The following CCBE1 variants were observed in gnomAD, a reference collection of about 807,000 sequenced individuals.
CCBE1 encodes collagen and calcium binding EGF domains 1, also known as collagen and calcium-binding EGF domain-containing protein 1.
CCBE1 carries 37 observed loss-of-function variants against 50.0 expected under a neutral mutation model. The ratio of observed to expected loss-of-function variants is 0.74; its 90% CI spans 0.57 to 0.97. CCBE1 has a LOEUF of 0.97. CCBE1 is among the 50% of genes least tolerant of loss of function. The probability of loss-of-function intolerance (pLI) is 0.00; values close to 1 mark genes in which losing one functional copy is unlikely to be tolerated. For missense variants in CCBE1, 538 were observed against 523.8 expected, an observed-to-expected ratio of 1.03 and a Z score of -0.26; for synonymous variants, 234 against 203.7, an observed-to-expected ratio of 1.15 and a Z score of -1.27.
At chr18:59,590,962 A>ATGATCAAGTTCCAGAT (rs1599041319) in intron 2 of CCBE1, among the ~76,000 whole-genome samples, 1 of 110,062 alleles carries the variant, frequency 9.1e-6, no homozygotes, top group African/African-American at 4.6e-5. Context: ...GCTGCTAAGT[A>ATGATCAAGTTCCAGAT]GGCCGGGCGC....
chr18:59,679,688 C>G (rs2054559615), intron 2 of CCBE1, among the ~76,000 whole-genome samples: 1 of 152,124 alleles, frequency 6.6e-6, no homozygotes, highest in South Asian at 2.1e-4. Context: ...TAAGACAGGT[C>G]TCAGTTAATT....
At chr18:59,679,780 G>A (rs924420300) in intron 2 of CCBE1, among the ~76,000 whole-genome samples, 2 of 152,148 alleles carry the variant, frequency 1.3e-5, no homozygotes, top group African/African-American at 4.8e-5. Context: ...GCCTAAGGTG[G>A]CCAGAGTGCA....
chr18:59,624,872 C>T (rs1047697385), intron 2 of CCBE1, among the ~76,000 whole-genome samples: 49 of 152,196 alleles, frequency 3.2e-4, no homozygotes, highest in Non-Finnish European at 7.3e-5. Context: ...ATTCACTAAC[C>T]TTAAAAACAG....
chr18:59,542,610 CA>C (rs1915513461), intron 2 of CCBE1, among the ~76,000 whole-genome samples: 1 of 152,036 alleles, frequency 6.6e-6, no homozygotes, highest in African/African-American at 2.4e-5. Context: ...TGGAATATAT[CA>C]AAAAAGGCAA....
chr18:59,583,695 G>A (rs112864373), intron 2 of CCBE1, among the ~76,000 whole-genome samples: 17 of 139,016 alleles, frequency 1.2e-4, no homozygotes, highest in East Asian at 2.4e-4. Context: ...GCGCGCGCGC[G>A]CGCGCGTGTG....
intron 2 of CCBE1, among the ~76,000 whole-genome samples, chr18:59,575,126 A>T (rs1285751363): frequency 6.6e-6 from 1 of 152,160 alleles, no homozygotes; most frequent in African/African-American, 2.4e-5. Flanking sequence ...ACAGACCTGG[A>T]ACAGAATCTT....
At chr18:59,693,287 A>G (rs2144754945) in intron 2 of CCBE1, among the ~76,000 whole-genome samples, 1 of 152,250 alleles carries the variant, frequency 6.6e-6, no homozygotes, top group Non-Finnish European at 1.5e-5. Flanking sequence ...CATGTAAATT[A>G]TGTAATGCAA....
intron 5 of CCBE1, among the ~76,000 whole-genome samples, chr18:59,466,441 T>C (rs536208288): frequency 1.3e-5 from 2 of 152,158 alleles, no homozygotes; most frequent in Admixed American, 1.3e-4. Context: ...CTGTGAGTTT[T>C]TTAAACCTCT....
At chr18:59,453,775 T>C (rs1167735008) in intron 6 of CCBE1, among the ~76,000 whole-genome samples, 8 of 152,252 alleles carry the variant, frequency 5.3e-5, no homozygotes, top group Non-Finnish European at 1.2e-4. Flanking sequence ...CAAGAAGATG[T>C]TTTATCAGTT....
At chr18:59,443,809 A>T (rs1910551083) in intron 7 of CCBE1, among the ~76,000 whole-genome samples, 2 of 152,220 alleles carry the variant, frequency 1.3e-5, no homozygotes, top group South Asian at 4.2e-4. Context: ...TAGTAATGCT[A>T]AGTATATTCC....
intron 2 of CCBE1, among the ~76,000 whole-genome samples, chr18:59,678,460 T>C (rs17066133): frequency 0.031 from 4,720 of 152,300 alleles, 143 homozygotes; most frequent in African/African-American, 0.072. Flanking sequence ...AGACTAGATA[T>C]CAGAATATTA....
At chr18:59,480,418 C>T (rs934299888) in intron 2 of CCBE1, among the ~76,000 whole-genome samples, 180 bp from the exon 3 acceptor site, 3 of 152,088 alleles carry the variant, frequency 2.0e-5, no homozygotes, top group African/African-American at 7.2e-5. Flanking sequence ...TAATACATGA[C>T]ATTTTCTAAT....
intron 2 of CCBE1, among the ~76,000 whole-genome samples, chr18:59,551,652 G>C (rs1480480770): frequency 6.6e-6 from 1 of 152,106 alleles, no homozygotes; most frequent in East Asian, 1.9e-4. Context: ...ACTACTGTTG[G>C]TCACCATCTG....
At chr18:59,508,623 A>G (rs771044940) in intron 2 of CCBE1, among the ~76,000 whole-genome samples, 13 of 152,100 alleles carry the variant, frequency 8.5e-5, no homozygotes, top group East Asian at 1.9e-4. Flanking sequence ...TAAAAAAAGA[A>G]AAAGAAACTA....
intron 2 of CCBE1, among the ~76,000 whole-genome samples, chr18:59,562,202 CAT>C (rs10572053): frequency 0.22 from 33,549 of 152,050 alleles, 5,874 homozygotes; most frequent in African/African-American, 0.46. Context: ...GTCTTTCATG[CAT>C]GTGTGTATAT....
At chr18:59,473,083 T>G (rs543692752) in intron 3 of CCBE1, among the ~76,000 whole-genome samples, 88 of 152,342 alleles carry the variant, frequency 5.8e-4, no homozygotes, top group African/African-American at 2.1e-3. Context: ...AGCCAAACCA[T>G]ATATCCATGT....
intron 2 of CCBE1, among the ~76,000 whole-genome samples, chr18:59,571,150 T>C (rs1243984378): frequency 6.6e-6 from 1 of 152,192 alleles, no homozygotes; most frequent in Non-Finnish European, 1.5e-5. Flanking sequence ...TTAGAAGTCA[T>C]CTTGCTAATG....
chr18:59,674,389 T>C (rs1340036264), intron 2 of CCBE1, among the ~76,000 whole-genome samples: 2 of 152,112 alleles, frequency 1.3e-5, no homozygotes, highest in South Asian at 2.1e-4. Context: ...AAACGCAGCA[T>C]GTTCTCACTT....
At chr18:59,499,179 T>C (rs1447918620) in intron 2 of CCBE1, among the ~76,000 whole-genome samples, 1 of 152,176 alleles carries the variant, frequency 6.6e-6, no homozygotes, top group African/African-American at 2.4e-5. Flanking sequence ...CATAAGAAGA[T>C]ACCATTATGT....
Sources: allele counts gnomAD v4.1 joint callset (sites outside exome capture counted in the v4.1 genomes callset), GRCh38; gene constraint gnomAD v4.1.1; transcripts MANE v1.5; gene names NCBI Gene and HGNC (gene_info 2026-07-23, HGNC 2026-07-21).